The following CMBL variants were observed in gnomAD, a reference collection of about 807,000 sequenced individuals.
CMBL encodes the protein carboxymethylenebutenolidase homolog (Pseudomonas).
A neutral mutation model predicts 28.7 loss-of-function variants in CMBL; 17 were observed. The ratio of observed to expected loss-of-function variants is 0.59; its 90% CI spans 0.41 to 0.89. The LOEUF is 0.89. Ranked by LOEUF, CMBL falls within the 40% of genes least tolerant of loss-of-function variation. The pLI is 0.00. For missense variants in CMBL, 310 were observed against 298.5 expected, an observed-to-expected ratio of 1.04 and a Z score of -0.28; for synonymous variants, 106 against 101.6, an observed-to-expected ratio of 1.04 and a Z score of -0.26.
chr5:10,294,071 C>A (rs1449180256), intron 1 of CMBL, among the ~76,000 whole-genome samples: 1 of 152,124 alleles, frequency 6.6e-6, no homozygotes. Flanking sequence ...GAACAAACAG[C>A]AAGTGCAAAG....
At position 10,289,824 on chromosome 5, in the gene CMBL, A is replaced by C. The variant is rs777561653; in HGVS notation, c.215+724T>G. Reference sequence around the variant, plus strand: ...GCCAGTTTCTCTTCCTAGAAAAACAAGGTAGGCTCATCCTCGGGTTTCCAG... The same window carrying C: ...GCCAGTTTCTCTTCCTAGAAAAACACGGTAGGCTCATCCTCGGGTTTCCAG... On this transcript the variant is annotated intron_variant, in intron 2 of 5. Transcript: ENST00000296658. The surrounding 1 kb of genome is among the most constrained non-coding windows in gnomAD (Gnocchi z 4.3). Among the ~76,000 whole-genome samples the C allele has an allele frequency of 5.9e-5, 9 of 152,196 alleles. No homozygotes were observed. The highest frequency in any genetic ancestry group is 1.2e-4 in the Non-Finnish European group (8 of 68,038).
In CMBL at chr5:10,286,384, A is replaced by G. The variant is rs1167713180; in HGVS notation, c.436T>C (p.Ser146Pro). The change falls in exon 4 of 6, where the codon TCA (serine) becomes CCA (proline). Residue 146 changes from serine to proline, a missense_variant. Physicochemically the swap from Ser to Pro is moderately conservative, Grantham distance 74 (BLOSUM62 -1). Coordinates refer to ENST00000296658, the MANE Select transcript of CMBL (RefSeq NM_138809.4). Reference protein sequence around the residue: ...TAVHHLMMKYSEFRAGVSVYG... With the variant: ...TAVHHLMMKYPEFRAGVSVYG... ...ACGGACACCCCTGCCCTGAATTCTG[A>G]GTATTTCATCATCAAATGATGGACA... is the stretch of plus-strand genomic sequence containing the variant. 7 of 1,613,990 alleles carry G rather than the reference A, an allele frequency of 4.3e-6. No homozygotes were observed. The highest frequency in any genetic ancestry group is 1.7e-5 in the Admixed American group (1 of 59,992).
At chr5:10,303,239 C>T (rs996892359) in intron 1 of CMBL, among the ~76,000 whole-genome samples, 1 of 152,196 alleles carries the variant, frequency 6.6e-6, no homozygotes, top group Non-Finnish European at 1.5e-5. Flanking sequence ...CCAATGTATA[C>T]CTCACATGTA....
At chr5:10,290,316 C>T in intron 2 of CMBL, 1 of 546,664 alleles carries the variant, frequency 1.8e-6, no homozygotes, top group Admixed American at 3.2e-5. Flanking sequence ...AGTCTAAAGG[C>T]CAGGTACTCC....
intron 1 of CMBL, among the ~76,000 whole-genome samples, chr5:10,295,931 C>T (rs1035130079): frequency 1.4e-4 from 21 of 152,248 alleles, no homozygotes; most frequent in African/African-American, 4.6e-4. Context: ...AAAAGGGCCC[C>T]GCACTTAGTG....
chr5:10,290,914 A>G (rs968452028), intron 1 of CMBL, 133 bp from the exon 2 acceptor site: 22 of 667,736 alleles, frequency 3.3e-5, no homozygotes, highest in Non-Finnish European at 4.8e-5. Context: ...GTGAGAAACC[A>G]ATGGTAACTT....
At chr5:10,300,273 C>G (rs990735029) in intron 1 of CMBL, among the ~76,000 whole-genome samples, 10 of 151,972 alleles carry the variant, frequency 6.6e-5, no homozygotes, top group Admixed American at 2.0e-4. Flanking sequence ...GCTGGCCCCC[C>G]ACCAGACGCT....
intron 1 of CMBL, among the ~76,000 whole-genome samples, chr5:10,296,672 C>A (rs1245815830): frequency 6.6e-6 from 1 of 152,070 alleles, no homozygotes; most frequent in Non-Finnish European, 1.5e-5. Flanking sequence ...AAGGAATCAG[C>A]GAGTGAGGAA....
chr5:10,303,183 C>A (rs533679026), intron 1 of CMBL, among the ~76,000 whole-genome samples: 1 of 152,204 alleles, frequency 6.6e-6, no homozygotes, highest in Admixed American at 6.5e-5. Context: ...ACCACCCTGA[C>A]CCTGCCATCC....
chr5:10,286,218 T>G (rs1290961494), intron 4 of CMBL, 136 bp downstream of exon 4: 1 of 873,932 alleles, frequency 1.1e-6, no homozygotes, highest in African/African-American at 1.7e-5. Flanking sequence ...TTCAGATTCT[T>G]AAAACCCATT....
intron 4 of CMBL, among the ~76,000 whole-genome samples, 153 bp from the exon 5 acceptor site, chr5:10,282,441 T>C (rs1176424516): frequency 6.6e-6 from 1 of 152,144 alleles, no homozygotes; most frequent in Non-Finnish European, 1.5e-5. Context: ...TTGCGGACTT[T>C]ATTTTCTTTT....
At chr5:10,284,683 C>T (rs1475271342) in intron 4 of CMBL, among the ~76,000 whole-genome samples, 1 of 152,168 alleles carries the variant, frequency 6.6e-6, no homozygotes, top group Non-Finnish European at 1.5e-5. Flanking sequence ...GGCTATGATG[C>T]TTGGTAGGTG....
At position 10,304,544 on chromosome 5, in the gene CMBL, C is replaced by G. The variant is rs73052343; in HGVS notation, c.-20+3081G>C. 7.9e-3 allele frequency among the ~76,000 whole-genome samples: 1,205 copies of G among 152,284 alleles called. 22 individuals carry two copies. Among genetic ancestry groups the G allele is most frequent in the African/African-American group, 0.028 (1,156 of 41,568 alleles). ...ACACTTCCCAGCCTGTCAGAATGGC[C>G]GCTTTGCGGGCTGCAACACTTTATG... is the stretch of plus-strand genomic sequence containing the variant. On this transcript the variant is annotated intron_variant, in intron 1 of 5. Transcript: ENST00000296658.
In CMBL at chr5:10,280,495, C is replaced by T. The variant is rs1444489624; in HGVS notation, c.696G>A (p.Glu232=). The T allele has an allele frequency of 6.2e-7, 1 of 1,611,010 alleles. No homozygotes were observed. The highest frequency in any genetic ancestry group is 8.5e-7 in the Non-Finnish European group (1 of 1,177,734). The change falls in exon 6 of 6, where the codon GAG becomes GAA. Residue 232 remains glutamate, a synonymous_variant. Coordinates refer to ENST00000296658, the MANE Select transcript of CMBL (RefSeq NM_138809.4). ...GCCACTCAATTAAATTCCTTCTGGCCTCGTCAATGTAGGGCTTGTCTGCAG... is the reference window on the plus strand; with the variant it reads ...GCCACTCAATTAAATTCCTTCTGGCTTCGTCAATGTAGGGCTTGTCTGCAG... ...CSPADKPYID[E]ARRNLIEWLN... is the part of the protein sequence containing the mutation.
rs1747021961 is a variant in CMBL at position 10,307,647 on chromosome 5, C to A, written c.-42G>T. The A allele has an allele frequency of 6.6e-6, 1 of 152,228 alleles. No homozygotes were observed. Among genetic ancestry groups the A allele is most frequent in the Non-Finnish European group, 1.5e-5 (1 of 68,160 alleles). 9.4% of individuals were successfully genotyped at this position (152,228 alleles called of 1,614,324 possible). On this transcript the variant is annotated 5_prime_UTR_variant, in exon 1 of 6. Coordinates refer to ENST00000296658, the MANE Select transcript of CMBL (RefSeq NM_138809.4). Reference sequence around the variant, plus strand: ...TACCTTGTCCCGCGGCCTGAGACTGCGCTGCACCGCGCGGAGGCCGAACCC... The same window carrying A: ...TACCTTGTCCCGCGGCCTGAGACTGAGCTGCACCGCGCGGAGGCCGAACCC...
chr5:10,304,896 T>C (rs1476675806), intron 1 of CMBL, among the ~76,000 whole-genome samples: 1 of 152,154 alleles, frequency 6.6e-6, no homozygotes, highest in Non-Finnish European at 1.5e-5. Context: ...GTACAATGAA[T>C]GGAGCTGGAA....
Position 10,286,564 on chromosome 5 carries a change from A to G in CMBL, c.324-68T>C, listed in dbSNP as rs78337728. ...GTGAACCCCTCAAAGAGCTGTGCTG[A>G]TGATAACAGGGCTGTATCAGCAACT... On this transcript the variant is annotated intron_variant, in intron 3 of 5. Coordinates refer to ENST00000296658, the MANE Select transcript of CMBL (RefSeq NM_138809.4). The G allele has an allele frequency of 3.6e-3, 5,298 of 1,463,918 alleles. 162 individuals are homozygous for G. The African/African-American group carries it at 0.065, about 18-fold the overall frequency. 90.7% of individuals were successfully genotyped at this position (1,463,918 alleles called of 1,614,324 possible).
In CMBL at chr5:10,289,528, G is replaced by A. The variant is rs892058540; in HGVS notation, c.216-999C>T. The stretch of plus-strand genomic sequence containing the variant: ...CCGCAAAGCGCTCTCTTTATGGCCT[G>A]GTTTCCTAATCTGCAAAATGAGAGC... On this transcript the variant is annotated intron_variant, in intron 2 of 5. Transcript: ENST00000296658. This position sits in a 1 kb window ranked among gnomAD's most constrained non-coding sequence, Gnocchi z 4.3. Among the ~76,000 whole-genome samples, 1 of 152,324 alleles carries A rather than the reference G, an allele frequency of 6.6e-6. No individual in the cohort carries two copies. Among genetic ancestry groups the A allele is most frequent in the Admixed American group, 6.5e-5 (1 of 15,298 alleles).
intron 1 of CMBL, among the ~76,000 whole-genome samples, chr5:10,295,415 C>T (rs904590105): frequency 2.6e-5 from 4 of 152,158 alleles, no homozygotes; most frequent in Admixed American, 1.3e-4. Flanking sequence ...GTAACCTCAC[C>T]GTCATTCATG....
Sources: gnomAD v4.1 joint callset for allele counts (sites outside exome capture counted in the v4.1 genomes callset) on GRCh38, gnomAD v4.1.1 for gene constraint, Gnocchi (gnomAD v3.1) non-coding constraint, MANE v1.5 for transcripts, NCBI Gene and HGNC (gene_info 2026-07-23, HGNC 2026-07-21) for gene names.